The following LPIN2 variants were observed in gnomAD, a reference collection of about 807,000 sequenced individuals.
LPIN2 encodes lipin 2.
In LPIN2, 55 loss-of-function variants were observed where a neutral mutation model predicts 111.4. That is an observed-to-expected ratio of 0.49 (90% CI 0.40 to 0.62). The LOEUF (loss-of-function observed/expected upper bound fraction) is 0.62. Among genes scored for constraint, LPIN2 ranks in the 20% least tolerant of loss-of-function variants. The pLI is 0.00. For missense variants in LPIN2, 992 were observed against 1,112.1 expected, an observed-to-expected ratio of 0.89 and a Z score of 1.54; for synonymous variants, 425 against 414.0, an observed-to-expected ratio of 1.03 and a Z score of -0.32.
chr18:2,922,258 A>C (rs1406211392), intron 16 of LPIN2, 59 bp from the exon 17 acceptor site: 3 of 1,568,812 alleles, frequency 1.9e-6, no homozygotes, highest in African/African-American at 2.8e-5. Context: ...AGAAAACAAA[A>C]AACAAAAAAA....
At position 2,925,121 on chromosome 18, in the gene LPIN2, G is replaced by T; in HGVS notation, c.1938+103C>A. The T allele has an allele frequency of 7.0e-7, 1 of 1,421,892 alleles. No individual in the cohort carries two copies. The highest frequency in any genetic ancestry group is 9.8e-7 in the Non-Finnish European group (1 of 1,016,356). 88.1% of individuals were successfully genotyped at this position (1,421,892 alleles called of 1,614,324 possible). A position where few individuals can be genotyped will look rare whatever the true frequency, so the allele number is the denominator to read the frequency against. ...GGCATTGACACGACCATGCCGTGTGGCGTGTATGCAGCTGGGGACGTGTGG... is the reference window on the plus strand; with the variant it reads ...GGCATTGACACGACCATGCCGTGTGTCGTGTATGCAGCTGGGGACGTGTGG... On this transcript the variant is annotated intron_variant, in intron 14 of 19. Coordinates refer to ENST00000677752, the MANE Select transcript of LPIN2 (RefSeq NM_001375808.2). This position sits in a 1 kb window ranked among gnomAD's most constrained non-coding sequence, Gnocchi z 4.1.
At chr18:2,996,359 G>T (rs1484649130) in intron 1 of LPIN2, among the ~76,000 whole-genome samples, 3 of 151,420 alleles carry the variant, frequency 2.0e-5, no homozygotes, top group Non-Finnish European at 4.4e-5. Flanking sequence ...GTGTTACATT[G>T]GTTCTTTTAT....
intron 19 of LPIN2, 108 bp downstream of exon 19, chr18:2,920,670 T>TGATCAGGGCCTGATCTCAAG (rs2077039682): frequency 4.6e-6 from 4 of 878,770 alleles, no homozygotes; most frequent in Non-Finnish European, 5.7e-6. Flanking sequence ...GCTGATCCTT[T>TGATCAGGGCCTGATCTCAAG]GATCAGGGCC....
intron 1 of LPIN2, among the ~76,000 whole-genome samples, chr18:2,987,328 TA>T (rs2078201443): frequency 6.6e-6 from 1 of 152,180 alleles, no homozygotes; most frequent in Non-Finnish European, 1.5e-5. Context: ...TGGGTTCCTA[TA>T]CTCCAGATCA....
At chr18:2,937,546 A>T (rs1173734943) in intron 7 of LPIN2, 146 bp downstream of exon 7, 3 of 30,726 alleles carry the variant, frequency 9.8e-5, no homozygotes, top group African/African-American at 3.3e-4. Flanking sequence ...ACTCCAGCTA[A>T]AAAAAAAAAA....
At chr18:2,944,083 G>A (rs1028100545) in intron 4 of LPIN2, among the ~76,000 whole-genome samples, 2 of 151,728 alleles carry the variant, frequency 1.3e-5, no homozygotes, top group African/African-American at 4.8e-5. Flanking sequence ...CTGGCCTTCA[G>A]AATATTTCCT....
chr18:3,001,368 T>C (rs559003210), intron 1 of LPIN2, among the ~76,000 whole-genome samples: 26 of 151,906 alleles, frequency 1.7e-4, no homozygotes, highest in Non-Finnish European at 3.4e-4. Flanking sequence ...TACTAAGAAA[T>C]GTAAACCAAT....
chr18:3,010,776 T>C (rs1037424101), intron 1 of LPIN2, among the ~76,000 whole-genome samples: 1 of 152,212 alleles, frequency 6.6e-6, no homozygotes, highest in African/African-American at 2.4e-5. Context: ...GGCGTTACTG[T>C]GCTGATATAT....
intron 19 of LPIN2, among the ~76,000 whole-genome samples, 154 bp from the exon 20 acceptor site, chr18:2,920,591 C>A (rs1442761986): frequency 2.0e-5 from 3 of 152,130 alleles, no homozygotes; most frequent in African/African-American, 7.2e-5. Context: ...CTCCCTCTTA[C>A]AAGTCTAGGA....
At chr18:2,950,369 A>C (rs1244690167) in intron 4 of LPIN2, 1 of 152,350 alleles carries the variant, frequency 6.6e-6, no homozygotes, top group African/African-American at 2.4e-5. Flanking sequence ...GCCACAAATA[A>C]AGAGTCTGGA....
In LPIN2 at chr18:2,925,700, G is replaced by A. The variant is rs759264536; in HGVS notation, c.1794-332C>T. 1.4e-4 allele frequency among the ~76,000 whole-genome samples: 22 copies of A among 152,274 alleles called. No individual in the cohort carries two copies. In the Middle Eastern group the frequency reaches 0.02, roughly 141 times the overall value. On this transcript the variant is annotated intron_variant, in intron 13 of 19. Transcript: ENST00000677752. The surrounding 1 kb of genome is among the most constrained non-coding windows in gnomAD (Gnocchi z 4.1). ...GGCACAAATCAAAGAAAACATAATC[G>A]CTTACAATGATTTAACAAACTCCGG...
At chr18:2,922,767 A>G (rs1472911149) in intron 16 of LPIN2, among the ~76,000 whole-genome samples, 3 of 152,242 alleles carry the variant, frequency 2.0e-5, no homozygotes, top group African/African-American at 4.8e-5. Context: ...AATGTTCAGC[A>G]TCTAGTCCAT....
At chr18:2,956,227 TAAG>T (rs1360712959) in intron 2 of LPIN2, among the ~76,000 whole-genome samples, 1 of 151,648 alleles carries the variant, frequency 6.6e-6, no homozygotes, top group African/African-American at 2.4e-5. Context: ...AAATTATAAA[TAAG>T]GAGGGGGAAA....
chr18:2,949,116 T>C (rs1312675475), intron 4 of LPIN2, among the ~76,000 whole-genome samples: 1 of 152,186 alleles, frequency 6.6e-6, no homozygotes, highest in South Asian at 2.1e-4. Context: ...TAATAATGTT[T>C]TTAATATTCC....
rs193119842 is a variant in LPIN2, at chr18:2,965,227, C to A, written c.-9-4378G>T. 1.4e-3 allele frequency among the ~76,000 whole-genome samples: 220 copies of A among 152,132 alleles called. 2 individuals carry two copies. Among genetic ancestry groups the A allele is most frequent in the Middle Eastern group, 3.4e-3 (1 of 294 alleles). ...CCCTTCGCATATAAAATTCAATACGCCAAATTAGTCCTTCATGCATAAAAT... is the reference window on the plus strand; with the variant it reads ...CCCTTCGCATATAAAATTCAATACGACAAATTAGTCCTTCATGCATAAAAT... On this transcript the variant is annotated intron_variant, in intron 1 of 19. Transcript: ENST00000677752.
chr18:2,928,584 G>A lies in LPIN2; in HGVS notation c.1620+7C>T, dbSNP rs369183726. 6 of 1,613,910 alleles carry A rather than the reference G, an allele frequency of 3.7e-6. No homozygotes were observed. The highest frequency in any genetic ancestry group is 1.1e-5 in the South Asian group (1 of 91,084). On this transcript the variant is annotated splice_region_variant and intron_variant, in intron 11 of 19. Transcript: ENST00000677752. The stretch of plus-strand genomic sequence containing the variant: ...TCGGAAAGGCAGCAGATGGTGGATC[G>A]CCTCACCTTAGGCAAGCTCTTCTGG...
In LPIN2 at chr18:2,918,626, TCC is replaced by T. The variant is rs566020344; in HGVS notation, c.*1665_*1666del. The T allele has an allele frequency of 6.6e-6, 1 of 152,134 alleles. No individual in the cohort carries two copies. The allele number at this position is 152,134 out of a possible 1,614,324, so 9.4% of individuals were successfully genotyped here. On this transcript the variant is annotated 3_prime_UTR_variant, in exon 20 of 20. Coordinates refer to ENST00000677752, the MANE Select transcript of LPIN2 (RefSeq NM_001375808.2). ...TTTGCATGGGAGAAGGCTCATGTGGTCCCTTCTCTGGGAACATGAGCCTTCCT... is the reference window on the plus strand; with the variant it reads ...TTTGCATGGGAGAAGGCTCATGTGGTCTTCTCTGGGAACATGAGCCTTCCT...
Position 2,919,568 on chromosome 18 carries a change from C to T in LPIN2, c.*725G>A, listed in dbSNP as rs886053755. ...CCCACCTTCCCACTTTTATTACAGACATCAAATATATACTTGTGAGACCTG... is the reference window on the plus strand; with the variant it reads ...CCCACCTTCCCACTTTTATTACAGATATCAAATATATACTTGTGAGACCTG... On this transcript the variant is annotated 3_prime_UTR_variant, in exon 20 of 20. Transcript: ENST00000677752. The T allele has an allele frequency of 1.3e-5, 2 of 152,708 alleles. No homozygotes were observed. Among genetic ancestry groups the T allele is most frequent in the Admixed American group, 1.3e-4 (2 of 15,334 alleles). 9.5% of individuals were successfully genotyped at this position (152,708 alleles called of 1,614,324 possible).
intron 4 of LPIN2, among the ~76,000 whole-genome samples, chr18:2,942,689 C>T (rs1456769251): frequency 6.6e-6 from 1 of 152,190 alleles, no homozygotes; most frequent in East Asian, 1.9e-4. Flanking sequence ...AGGCCCACTA[C>T]AGTGACAGAA....
Sources: allele counts gnomAD v4.1 joint callset (sites outside exome capture counted in the v4.1 genomes callset), GRCh38; gene constraint gnomAD v4.1.1; non-coding constraint Gnocchi (gnomAD v3.1); transcripts MANE v1.5; gene names NCBI Gene and HGNC (gene_info 2026-07-23, HGNC 2026-07-21).